The following CLN3 variants were observed in gnomAD, a reference collection of about 807,000 sequenced individuals.
CLN3 encodes the protein battenin.
CLN3 carries 49 observed loss-of-function variants against 60.7 expected under a neutral mutation model. The ratio of observed to expected loss-of-function variants is 0.81; its 90% confidence interval spans 0.64 to 1.02. CLN3 has a LOEUF of 1.02. Ranked by LOEUF, CLN3 falls within the 50% of genes least tolerant of loss-of-function variation. CLN3 has a pLI of 0.00. For synonymous variants in CLN3, 256 were observed against 245.8 expected, an observed-to-expected ratio of 1.04 and a Z score of -0.39; for missense variants, 516 against 557.4, an observed-to-expected ratio of 0.93 and a Z score of 0.75.
At chr16:28,474,436 C>T (rs1266531484), downstream of CLN3, among the ~76,000 whole-genome samples, 4 of 151,522 alleles carry the variant, frequency 2.6e-5, no homozygotes, top group Non-Finnish European at 5.9e-5. Flanking sequence ...CTCCATCCTG[C>T]GCAACAGAGC....
chr16:28,488,553 C>T, intron 5 of CLN3, 38 bp downstream of exon 5: 1 of 1,601,360 alleles, frequency 6.2e-7, no homozygotes, highest in South Asian at 1.1e-5. Flanking sequence ...ACCCAGGGGC[C>T]CTGGGTCAGG....
chr16:28,484,241 C>T (rs1433650381), intron 9 of CLN3, 123 bp from the exon 10 acceptor site: 19 of 734,642 alleles, frequency 2.6e-5, no homozygotes, highest in Non-Finnish European at 4.3e-5. Flanking sequence ...ATGGGTAGCT[C>T]ACTGCCTCTA....
downstream of CLN3, chr16:28,477,073 T>G (rs1046128285): frequency 1.7e-5 from 4 of 229,300 alleles, no homozygotes; most frequent in Non-Finnish European, 3.5e-5. Flanking sequence ...GAAGTGGAGG[T>G]TGCAGTGAGC....
downstream of CLN3, among the ~76,000 whole-genome samples, chr16:28,473,938 A>G (rs1407950724): frequency 4.6e-5 from 7 of 151,788 alleles, no homozygotes; most frequent in Non-Finnish European, 8.8e-5. Flanking sequence ...TATAATAAAA[A>G]CCAAACCAGA....
Position 28,477,404 on chromosome 16 carries a change from G to T in CLN3, c.*112C>A. 5 of 1,456,584 alleles carry T rather than the reference G, an allele frequency of 3.4e-6. 1 individual carries two copies. The highest frequency in any genetic ancestry group is 3.8e-6 in the Non-Finnish European group (4 of 1,049,770). 90.2% of individuals were successfully genotyped at this position (1,456,584 alleles called of 1,614,324 possible). A position where few individuals can be genotyped will look rare whatever the true frequency, so the allele number is the denominator to read the frequency against. On this transcript the variant is annotated 3_prime_UTR_variant, in exon 16 of 16. Coordinates refer to ENST00000636147, the MANE Select transcript of CLN3 (RefSeq NM_001042432.2). ...TCAGCCCTTCCCTACTCCCAGACCT[G>T]CCGGGAAGGCTGGGAGCACAGTTCA... is the stretch of plus-strand genomic sequence containing the variant.
intron 7 of CLN3, chr16:28,487,212 A>G: frequency 1.7e-6 from 1 of 591,744 alleles, no homozygotes; most frequent in South Asian, 1.9e-5. Flanking sequence ...TGCCTGGTCC[A>G]TCACAGAGTC....
rs150348015 is a variant in CLN3 at position 28,488,647 on chromosome 16, T to C, written c.238A>G (p.Thr80Ala). 3.1e-6 allele frequency: 5 copies of C among 1,614,142 alleles called. No homozygotes were observed. Among genetic ancestry groups the C allele is most frequent in the South Asian group, 1.1e-5 (1 of 91,084 alleles). ...GNQSHVDPGP[T>A]PIPHNSSSRF... is the part of the protein sequence containing the mutation. ...GATGAGCTGTTGTGGGGGATCGGCG[T>C]TGGGCCTGGGTCCACCTAATGGGAG... The change falls in exon 5 of 16, where the codon ACG (threonine) becomes GCG (alanine). Residue 80 changes from threonine (T) to alanine (A), a missense_variant. Coordinates refer to ENST00000636147, the MANE Select transcript of CLN3 (RefSeq NM_001042432.2).
At chr16:28,489,740 G>A (rs1193255848) in intron 3 of CLN3, among the ~76,000 whole-genome samples, 1 of 151,958 alleles carries the variant, frequency 6.6e-6, no homozygotes, top group South Asian at 2.1e-4. Flanking sequence ...GACAGAGCAA[G>A]ACCCTGTCAC....
At chr16:28,473,713 A>C (rs914668140), downstream of CLN3, among the ~76,000 whole-genome samples, 4 of 152,240 alleles carry the variant, frequency 2.6e-5, no homozygotes, top group Non-Finnish European at 5.9e-5. Context: ...GAATATATGA[A>C]GAAATCTTAC....
At chr16:28,474,681 ATAT>A (rs2045977212), downstream of CLN3, among the ~76,000 whole-genome samples, 1 of 152,240 alleles carries the variant, frequency 6.6e-6, no homozygotes, top group Non-Finnish European at 1.5e-5. Flanking sequence ...CCACTCCTTG[ATAT>A]TATCCAAGAG....
intron 3 of CLN3, 104 bp from the exon 4 acceptor site, chr16:28,489,490 T>C (rs1250777949): frequency 2.5e-6 from 2 of 797,814 alleles, no homozygotes; most frequent in Non-Finnish European, 4.3e-6. Context: ...AGCCCCCTCT[T>C]TTTTTTCCCT....
chr16:28,481,943 C>T (rs1274950979), intron 14 of CLN3, among the ~76,000 whole-genome samples, 162 bp downstream of exon 14: 4 of 150,584 alleles, frequency 2.7e-5, no homozygotes, highest in Admixed American at 2.0e-4. Flanking sequence ...GCCAAGATTG[C>T]GCTACTGCAC....
chr16:28,489,729 T>C, intron 3 of CLN3, among the ~76,000 whole-genome samples: 2 of 150,540 alleles, frequency 1.3e-5, no homozygotes, highest in Admixed American at 6.6e-5. Flanking sequence ...CTAGCCTGGG[T>C]GACAGAGCAA....
rs762403514 is a variant in CLN3, at chr16:28,484,132, G to A, written c.678-14C>T. The A allele has an allele frequency of 1.9e-6, 3 of 1,588,422 alleles. No individual in the cohort carries two copies. The highest frequency in any genetic ancestry group is 1.1e-5 in the South Asian group (1 of 88,402). Reference sequence around the variant, plus strand: ...AACAAGAAATAGCTAGGAGTAGGATGAAGGCAGGGTCAGAAAACCCTACTG... The same window carrying A: ...AACAAGAAATAGCTAGGAGTAGGATAAAGGCAGGGTCAGAAAACCCTACTG... On this transcript the variant is annotated splice_polypyrimidine_tract_variant and intron_variant, in intron 9 of 15. Transcript: ENST00000636147.
intron 3 of CLN3, chr16:28,490,478 A>T (rs1333846505): frequency 7.1e-6 from 1 of 140,464 alleles, no homozygotes; most frequent in Non-Finnish European, 1.5e-5. Flanking sequence ...AAAAAAAAAA[A>T]AGCTGGGCGC....
rs368201543 is a variant in CLN3 at position 28,479,590 on chromosome 16, A to AAAAAC, written c.1057-1718_1057-1714dup. Reference sequence around the variant, plus strand: ...CTACAAGAGCAAAACTCTGTCTCTAAAAAACAAAACAAAACAAAACAAAAC... The same window carrying AAAAAC: ...CTACAAGAGCAAAACTCTGTCTCTAAAAAACAAAACAAAACAAAACAAAACAAAAC... On this transcript the variant is annotated intron_variant, in intron 14 of 15. Coordinates refer to ENST00000636147, the MANE Select transcript of CLN3 (RefSeq NM_001042432.2). 5.1e-4 allele frequency: 80 copies of AAAAAC among 157,516 alleles called. 1 individual carries two copies. The East Asian group carries it at 6.8e-3, about 13-fold the overall frequency. 9.8% of individuals were successfully genotyped at this position (157,516 alleles called of 1,614,324 possible).
intron 5 of CLN3, 21 bp downstream of exon 5, chr16:28,488,570 C>T (rs1368021212): frequency 6.2e-7 from 1 of 1,612,398 alleles, no homozygotes; most frequent in African/African-American, 1.3e-5. Flanking sequence ...CAGGCAAGGA[C>T]CAGGTGAGAT....
intron 1 of CLN3, 70 bp from the exon 2 acceptor site, chr16:28,491,905 C>T (rs372566364): frequency 1.9e-6 from 2 of 1,065,336 alleles, no homozygotes; most frequent in African/African-American, 1.6e-5. Context: ...GCACTCGCGC[C>T]CCGCGATCCA....
chr16:28,483,885 G>C, intron 10 of CLN3, 121 bp downstream of exon 10: 1 of 734,040 alleles, frequency 1.4e-6, no homozygotes, highest in Non-Finnish European at 2.4e-6. Flanking sequence ...AATAGACAAA[G>C]GCTTTTCCCA....
Sources: allele counts gnomAD v4.1 joint callset (sites outside exome capture counted in the v4.1 genomes callset), GRCh38; gene constraint gnomAD v4.1.1; transcripts MANE v1.5; gene names NCBI Gene and HGNC (gene_info 2026-07-23, HGNC 2026-07-21).